RARB: variants seen among roughly 807,000 people sequenced by gnomAD.
The protein encoded by RARB is HBV-activated protein.
In RARB, 17 loss-of-function variants were observed where a neutral mutation model predicts 51.9. That is an observed-to-expected ratio of 0.33 (90% confidence interval 0.22 to 0.49). The LOEUF (loss-of-function observed/expected upper bound fraction) is 0.49. RARB is among the 20% of genes least tolerant of loss of function. The pLI, the probability that RARB is intolerant of heterozygous loss-of-function variation, is 0.99. For synonymous variants in RARB, 215 were observed against 195.4 expected (o/e 1.10, Z -0.84); for missense variants, 369 against 550.8 (o/e 0.67, Z 3.30).
intron 2 of RARB, among the ~76,000 whole-genome samples, chr3:24,919,727 T>C (rs776872352): frequency 7.9e-5 from 12 of 152,254 alleles, no homozygotes; most frequent in Non-Finnish European, 1.6e-4. Context: ...AACAATGTGC[T>C]CTTCTAATTC....
chr3:25,305,549 G>A (rs1364338710), intron 5 of RARB, among the ~76,000 whole-genome samples: 1 of 152,172 alleles, frequency 6.6e-6, no homozygotes, highest in African/African-American at 2.4e-5. Flanking sequence ...TTGAAAAGTT[G>A]TCTTGAGAAA....
intron 5 of RARB, chr3:25,352,239 C>G (rs927328185): frequency 2.6e-5 from 4 of 152,270 alleles, no homozygotes; most frequent in African/African-American, 9.7e-5. Flanking sequence ...GAATCCCCAT[C>G]TTTTCTGATA....
At chr3:25,259,836 G>C in intron 5 of RARB, 1 of 865,860 alleles carries the variant, frequency 1.2e-6, no homozygotes, top group Non-Finnish European at 1.4e-6. Flanking sequence ...CAGAGCTCTT[G>C]GTATCTGTCA....
In RARB at chr3:25,022,935, C is replaced by A. The variant is rs549503052; in HGVS notation, c.-379-37190C>A. Among the ~76,000 whole-genome samples, 10 of 152,258 alleles carry A rather than the reference C, an allele frequency of 6.6e-5. 1 individual carries two copies. In the South Asian group the frequency reaches 2.1e-3, roughly 32 times the overall value. ...TCAGAGAACTAAGGAGCTTTATATT[C>A]ATACTCGGAGCAACAGAAGATCATC... is the stretch of plus-strand genomic sequence containing the variant. On this transcript the variant is annotated intron_variant, in intron 2 of 11. Coordinates refer to the RARB transcript ENST00000383772.
chr3:24,939,191 C>T (rs1230413386), intron 2 of RARB, among the ~76,000 whole-genome samples: 1 of 152,086 alleles, frequency 6.6e-6, no homozygotes, highest in African/African-American at 2.4e-5. Flanking sequence ...ATTGTGTTGG[C>T]CAGGCTTCTC....
chr3:25,362,653 AG>A (rs1336199581), intron 5 of RARB, among the ~76,000 whole-genome samples: 1 of 152,192 alleles, frequency 6.6e-6, no homozygotes, highest in Non-Finnish European at 1.5e-5. Flanking sequence ...CCATGAGAAA[AG>A]CATAGTATCT....
Position 25,597,584 on chromosome 3 carries a change from A to ATATT in RARB, c.*969_*972dup, listed in dbSNP as rs1701906158. On this transcript the variant is annotated 3_prime_UTR_variant, in exon 8 of 8. Transcript: ENST00000330688. ...TAGTGTCCTTCCTGATTCATGCCTG[A>ATATT]TATTGGGATTTTTTTTTCCAGCCTT... 6.6e-6 allele frequency: 1 copy of ATATT among 152,198 alleles called. No individual in the cohort carries two copies. Among genetic ancestry groups the ATATT allele is most frequent in the African/African-American group, 2.4e-5 (1 of 41,094 alleles). The allele number at this position is 152,198 out of a possible 1,614,324, so 9.4% of individuals were successfully genotyped here.
intron 5 of RARB, among the ~76,000 whole-genome samples, chr3:25,379,447 A>G (rs1706562246): frequency 6.6e-6 from 1 of 152,228 alleles, no homozygotes; most frequent in Non-Finnish European, 1.5e-5. Context: ...TCTAAGCTTC[A>G]GGCTGATCAT....
intron 2 of RARB, among the ~76,000 whole-genome samples, chr3:25,478,938 T>G (rs1341345890): frequency 1.3e-5 from 2 of 152,196 alleles, no homozygotes; most frequent in Non-Finnish European, 2.9e-5. Flanking sequence ...AAAATAGTTA[T>G]TTATTCCTTT....
At position 25,093,486 on chromosome 3, in the gene RARB, T is replaced by C. The variant is rs1443087525; in HGVS notation, c.-328+33310T>C. Among the ~76,000 whole-genome samples the C allele has an allele frequency of 6.7e-5, 3 of 44,976 alleles. No individual in the cohort carries two copies. The South Asian group carries it at 1.1e-3, about 17-fold the overall frequency. The allele number at this position is 44,976 out of a possible 152,430, so 29.5% of individuals were successfully genotyped here. A position where few individuals can be genotyped will look rare whatever the true frequency, so the allele number is the denominator to read the frequency against. On this transcript the variant is annotated intron_variant, in intron 3 of 11. Coordinates refer to the RARB transcript ENST00000383772. Reference sequence around the variant, plus strand: ...AACATTTAATGTATAGTTTACATAATAATAGCCCTTCCCCCCAAACTAGAG... The same window carrying C: ...AACATTTAATGTATAGTTTACATAACAATAGCCCTTCCCCCCAAACTAGAG...
intron 2 of RARB, among the ~76,000 whole-genome samples, chr3:25,026,121 G>A (rs754113984): frequency 3.3e-5 from 5 of 152,110 alleles, no homozygotes; most frequent in African/African-American, 9.7e-5. Flanking sequence ...GATAAAAGCC[G>A]TGGGCCTTCT....
intron 5 of RARB, among the ~76,000 whole-genome samples, chr3:25,283,099 A>G (rs73154955): frequency 0.017 from 2,654 of 152,230 alleles, 62 homozygotes; most frequent in African/African-American, 0.059. Flanking sequence ...TCTCTAAGTC[A>G]CATTTACCCA....
chr3:25,063,875 G>T (rs2125305032), intron 3 of RARB, among the ~76,000 whole-genome samples: 1 of 152,136 alleles, frequency 6.6e-6, no homozygotes, highest in African/African-American at 2.4e-5. Context: ...TGGTTTAGGA[G>T]AGTCAAATAG....
At chr3:25,131,022 A>G (rs1699944097) in intron 3 of RARB, among the ~76,000 whole-genome samples, 1 of 145,458 alleles carries the variant, frequency 6.9e-6, no homozygotes, top group Admixed American at 6.8e-5. Context: ...CAATGAAATT[A>G]TATATTTTAT....
intron 4 of RARB, among the ~76,000 whole-genome samples, chr3:25,158,049 A>G (rs1700408074): frequency 6.6e-6 from 1 of 152,254 alleles, no homozygotes; most frequent in Non-Finnish European, 1.5e-5. Context: ...CCATAATGTG[A>G]TATTTGCACC....
intron 5 of RARB, among the ~76,000 whole-genome samples, chr3:25,217,920 T>G (rs767326471): frequency 1.1e-4 from 17 of 152,140 alleles, no homozygotes; most frequent in Non-Finnish European, 1.8e-4. Flanking sequence ...AATGGGGTCA[T>G]CCATTAGGCA....
intron 5 of RARB, among the ~76,000 whole-genome samples, chr3:25,233,600 C>T (rs1297495971): frequency 6.6e-6 from 1 of 152,112 alleles, no homozygotes; most frequent in African/African-American, 2.4e-5. Context: ...TGAGAACAGA[C>T]ATACTTGTCC....
intron 3 of RARB, among the ~76,000 whole-genome samples, chr3:25,502,093 A>T (rs1381423316): frequency 6.6e-6 from 1 of 152,190 alleles, no homozygotes; most frequent in Admixed American, 6.5e-5. Flanking sequence ...GTGCCCAGTG[A>T]TGCTCTTGTG....
rs75830074 is a variant in RARB, at chr3:25,372,481, A to G, written c.179-88712A>G. On this transcript the variant is annotated intron_variant, in intron 5 of 11. Coordinates refer to the RARB transcript ENST00000383772. ...GTGAAAGCCAAAAGACCAGTTAGAG[A>G]GCTGTAATATGTTCCAGGCAAGAGA... 9.5e-3 allele frequency among the ~76,000 whole-genome samples: 1,449 copies of G among 152,350 alleles called. 32 individuals carry two copies. Among genetic ancestry groups the G allele is most frequent in the African/African-American group, 0.032 (1,348 of 41,578 alleles).
Sources: allele counts gnomAD v4.1 joint callset (sites outside exome capture counted in the v4.1 genomes callset), GRCh38; gene constraint gnomAD v4.1.1; transcripts MANE v1.5; gene names NCBI Gene and HGNC (gene_info 2026-07-23, HGNC 2026-07-21).